BPIFB3: variants seen among roughly 807,000 people sequenced by gnomAD.
BPIFB3 encodes the protein BPI fold-containing family B member 3.
Under a neutral mutation model 53.1 loss-of-function variants are expected in BPIFB3, and 49 were observed. That is an observed-to-expected ratio of 0.92 (90% CI 0.73 to 1.17). The LOEUF is 1.17. Among genes scored for constraint, BPIFB3 ranks in the 50% most tolerant of loss-of-function variants. The pLI is 0.00. For missense variants in BPIFB3, 628 were observed against 592.5 expected, an observed-to-expected ratio of 1.06 and a Z score of -0.62; for synonymous variants, 271 against 269.6, an observed-to-expected ratio of 1.01 and a Z score of -0.05.
At chr20:33,062,899 C>A (rs1980514631) in intron 5 of BPIFB3, among the ~76,000 whole-genome samples, 1 of 152,144 alleles carries the variant, frequency 6.6e-6, no homozygotes, top group African/African-American at 2.4e-5. Flanking sequence ...AGTTTGGGGC[C>A]CCCACTTGAC....
chr20:33,070,049 G>A (rs1233356679), intron 11 of BPIFB3, 94 bp downstream of exon 12: 1 of 1,424,420 alleles, frequency 7.0e-7, no homozygotes, highest in East Asian at 2.3e-5. Flanking sequence ...TTGAGCATCA[G>A]CGCAATTCCA....
exon 8 of BPIFB3, chr20:33,064,744 G>A: frequency 6.2e-7 from 1 of 1,614,128 alleles, no homozygotes; most frequent in African/African-American, 1.3e-5. Context: ...CCCCAAGAAG[G>A]ACCACACATC....
chr20:33,061,945 C>T, intron 5 of BPIFB3, 114 bp downstream of exon 6: 2 of 1,250,398 alleles, frequency 1.6e-6, no homozygotes, highest in Non-Finnish European at 2.3e-6. Context: ...TTCCCTTCCA[C>T]ACCCACCTGG....
At chr20:33,060,719 A>G (rs887142704) in intron 4 of BPIFB3, among the ~76,000 whole-genome samples, 2 of 151,950 alleles carry the variant, frequency 1.3e-5, no homozygotes, top group African/African-American at 2.4e-5. Context: ...ACGGGCGCCC[A>G]CCACCATGCT....
At chr20:33,064,373 A>T in intron 6 of BPIFB3, 84 bp from the exon 8 acceptor site, 1 of 1,099,536 alleles carries the variant, frequency 9.1e-7, no homozygotes, top group Non-Finnish European at 1.4e-6. Context: ...GGCATTCAGC[A>T]GACACTCAAT....
intron 2 of BPIFB3, among the ~76,000 whole-genome samples, chr20:33,058,560 T>G (rs547209145): frequency 4.5e-4 from 68 of 152,184 alleles, no homozygotes; most frequent in African/African-American, 1.5e-3. Flanking sequence ...AGAGTAAGTG[T>G]TGGATAGATA....
At chr20:33,072,895 C>G in intron 14 of BPIFB3, 102 bp downstream of exon 15, 1 of 1,027,016 alleles carries the variant, frequency 9.7e-7, no homozygotes, top group Non-Finnish European at 1.5e-6. Context: ...ATCCTCTTGT[C>G]TGTCCCTGAT....
intron 3 of BPIFB3, 110 bp from the exon 5 acceptor site, chr20:33,059,781 A>G: frequency 6.9e-7 from 1 of 1,442,444 alleles, no homozygotes; most frequent in Admixed American, 2.1e-5. Flanking sequence ...AGGGAGGCAG[A>G]GGCTGAGAAG....
chr20:33,059,220 G>A (rs1980338631), intron 2 of BPIFB3, among the ~76,000 whole-genome samples, 158 bp from the exon 4 acceptor site: 1 of 152,068 alleles, frequency 6.6e-6, no homozygotes, highest in Admixed American at 6.6e-5. Context: ...TTACAGATAA[G>A]GAAACTAGGC....
Position 33,061,836 on chromosome 20 carries a change from G to C in BPIFB3, c.591+5G>C, listed in dbSNP as rs41289872. ...TTCAAGGTGCTTCCGGGACTGGTGA[G>C]TGTGCGGGCCGTGTGCCAGCATGCC... On this transcript the variant is annotated splice_donor_5th_base_variant and intron_variant, in intron 5 of 14. Coordinates refer to ENST00000375494, the Ensembl canonical transcript of BPIFB3. The C allele has an allele frequency of 9.3e-6, 15 of 1,614,170 alleles. No homozygotes were observed. The highest frequency in any genetic ancestry group is 1.1e-5 in the Non-Finnish European group (13 of 1,180,004).
chr20:33,069,790 AG>A, intron 10 of BPIFB3, 97 bp from the exon 12 acceptor site: 1 of 1,192,446 alleles, frequency 8.4e-7, no homozygotes, highest in Non-Finnish European at 1.3e-6. Flanking sequence ...GTAGGGCCTC[AG>A]TAAGGGTTAG....
chr20:33,066,711 T>C, intron 8 of BPIFB3, 113 bp from the exon 10 acceptor site: 2 of 954,630 alleles, frequency 2.1e-6, no homozygotes, highest in South Asian at 1.4e-5. Flanking sequence ...GTGATATATG[T>C]ATGAAATTGG....
rs777066762 is a variant in BPIFB3 at position 33,056,582 on chromosome 20, TG to T, written c.166del (p.Val56CysfsTer8). 6 of 1,613,994 alleles carry T rather than the reference TG, an allele frequency of 3.7e-6. No homozygotes were observed. In the Admixed American group the frequency reaches 1.0e-4, roughly 27 times the overall value. The stretch of plus-strand genomic sequence containing the variant: ...TGGTTGGGGAGCCCATTCTGCAGAA[TG>T]TGCTGGGATCGGTCACAGCTGTGAA... On this transcript the variant is annotated frameshift_variant, in exon 2 of 15. Transcript: ENST00000375494. LOFTEE classifies it high-confidence loss of function.
chr20:33,064,016 G>A (rs1414251037), intron 6 of BPIFB3, among the ~76,000 whole-genome samples: 1 of 152,236 alleles, frequency 6.6e-6, no homozygotes, highest in African/African-American at 2.4e-5. Context: ...GAGAGCTCAA[G>A]TAAGGAACCC....
At chr20:33,055,466 T>C in exon 1 of BPIFB3, 1 of 1,613,746 alleles carries the variant, frequency 6.2e-7, no homozygotes, top group Non-Finnish European at 8.5e-7. Flanking sequence ...GCTTCTGCTC[T>C]GGGGCCTGGC....
intron 11 of BPIFB3, 28 bp from the exon 13 acceptor site, chr20:33,071,225 G>T (rs1980872879): frequency 4.2e-6 from 5 of 1,193,730 alleles, no homozygotes; most frequent in Non-Finnish European, 5.6e-6. Flanking sequence ...GGTAGCGGGG[G>T]CCCCAGCATC....
intron 4 of BPIFB3, among the ~76,000 whole-genome samples, chr20:33,060,638 C>G (rs912874585): frequency 6.6e-6 from 1 of 152,104 alleles, no homozygotes; most frequent in African/African-American, 2.4e-5. Flanking sequence ...GGTGCCATCT[C>G]GGCTCACTGC....
intron 11 of BPIFB3, among the ~76,000 whole-genome samples, chr20:33,070,811 C>T (rs1180661322): frequency 6.6e-6 from 1 of 152,214 alleles, no homozygotes; most frequent in Non-Finnish European, 1.5e-5. Context: ...TGGCAGTTCA[C>T]GCCTCAGTCT....
At chr20:33,069,409 C>T (rs1315097189) in intron 10 of BPIFB3, among the ~76,000 whole-genome samples, 3 of 152,186 alleles carry the variant, frequency 2.0e-5, no homozygotes, top group Non-Finnish European at 4.4e-5. Flanking sequence ...AACACCTGAG[C>T]CTGACATTCA....
Sources: allele counts gnomAD v4.1 joint callset (sites outside exome capture counted in the v4.1 genomes callset), GRCh38; gene constraint gnomAD v4.1.1; transcripts MANE v1.5; gene names NCBI Gene and HGNC (gene_info 2026-07-23, HGNC 2026-07-21).